The following KCNAB1 variants were observed in gnomAD, a reference collection of about 807,000 sequenced individuals.
KCNAB1 encodes the protein voltage-gated potassium channel subunit beta-1.
A neutral mutation model predicts 64.6 loss-of-function variants in KCNAB1; 35 were observed. The ratio of observed to expected loss-of-function variants is 0.54; its 90% confidence interval spans 0.41 to 0.72. KCNAB1 has a LOEUF of 0.72. Ranked by LOEUF, KCNAB1 falls within the 30% of genes least tolerant of loss-of-function variation. KCNAB1 has a pLI of 0.00. For missense variants in KCNAB1, 401 were observed against 512.9 expected, an observed-to-expected ratio of 0.78 and a Z score of 2.11; for synonymous variants, 177 against 183.8, an observed-to-expected ratio of 0.96 and a Z score of 0.30.
intron 8 of KCNAB1, among the ~76,000 whole-genome samples, chr3:156,512,709 G>A (rs769643153): frequency 2.6e-5 from 4 of 152,170 alleles, no homozygotes; most frequent in East Asian, 1.9e-4. Context: ...GAAGAAAAGC[G>A]GTTCCTTACA....
At chr3:156,425,275 A>C (rs1364995621) in intron 2 of KCNAB1, among the ~76,000 whole-genome samples, 1 of 152,196 alleles carries the variant, frequency 6.6e-6, no homozygotes, top group Non-Finnish European at 1.5e-5. Context: ...AACAATTCTG[A>C]CTTTCTTCTC....
intron 1 of KCNAB1, among the ~76,000 whole-genome samples, chr3:156,231,608 T>C (rs1716536274): frequency 6.6e-6 from 1 of 150,872 alleles, no homozygotes; most frequent in Non-Finnish European, 1.5e-5. Flanking sequence ...GGCACCCTTT[T>C]AGGTCTTATA....
At chr3:156,206,999 T>G (rs56139805) in intron 1 of KCNAB1, among the ~76,000 whole-genome samples, 11 of 152,314 alleles carry the variant, frequency 7.2e-5, no homozygotes, top group Non-Finnish European at 1.6e-4. Context: ...CACTAGAAAT[T>G]GAGGGACTGT....
chr3:156,142,878 C>A, intron 1 of KCNAB1: 1 of 605,076 alleles, frequency 1.7e-6, no homozygotes, highest in Non-Finnish European at 2.1e-6. Context: ...TTTTTTTCCC[C>A]AGGGCCAGTA....
At chr3:156,325,177 A>T (rs773941267) in intron 1 of KCNAB1, among the ~76,000 whole-genome samples, 3 of 152,184 alleles carry the variant, frequency 2.0e-5, no homozygotes, top group Non-Finnish European at 2.9e-5. Context: ...CATATGAGAA[A>T]ATCAAGGTTC....
intron 1 of KCNAB1, among the ~76,000 whole-genome samples, chr3:156,312,703 CA>C (rs397991453): frequency 0.037 from 1,022 of 27,328 alleles, no homozygotes; most frequent in African/African-American, 0.11. Flanking sequence ...AGACTGTCTC[CA>C]AAAAAAAAAA....
chr3:156,525,508 T>G (rs1022588168), intron 12 of KCNAB1, among the ~76,000 whole-genome samples: 1 of 152,230 alleles, frequency 6.6e-6, no homozygotes, highest in Non-Finnish European at 1.5e-5. Context: ...GTTCAAAGGT[T>G]TTTTTGTTTG....
intron 1 of KCNAB1, among the ~76,000 whole-genome samples, chr3:156,259,267 C>T (rs1240464873): frequency 6.6e-6 from 1 of 152,138 alleles, no homozygotes; most frequent in Non-Finnish European, 1.5e-5. Context: ...GGTCCTGACT[C>T]TCAAGGAGAC....
chr3:156,300,246 T>G (rs1432509567), intron 1 of KCNAB1, among the ~76,000 whole-genome samples: 2 of 152,230 alleles, frequency 1.3e-5, no homozygotes, highest in Non-Finnish European at 2.9e-5. Context: ...TCTTTGCAAT[T>G]GACTCGGCTT....
intron 1 of KCNAB1, among the ~76,000 whole-genome samples, chr3:156,220,088 G>C (rs925091216): frequency 6.6e-6 from 1 of 152,132 alleles, no homozygotes; most frequent in Non-Finnish European, 1.5e-5. Flanking sequence ...TGGTGTATAT[G>C]TGCCACATTT....
intron 1 of KCNAB1, among the ~76,000 whole-genome samples, chr3:156,162,480 G>C (rs954859975): frequency 6.6e-6 from 1 of 152,080 alleles, no homozygotes; most frequent in Admixed American, 6.5e-5. Flanking sequence ...TGATGGTCTT[G>C]AGAGAACAGT....
At chr3:156,346,360 A>G (rs1379292098) in intron 1 of KCNAB1, among the ~76,000 whole-genome samples, 1 of 152,150 alleles carries the variant, frequency 6.6e-6, no homozygotes, top group African/African-American at 2.4e-5. Context: ...GAAAGAACAT[A>G]ATTTGTATGT....
chr3:156,427,827 G>A (rs1715923332), intron 2 of KCNAB1, among the ~76,000 whole-genome samples: 1 of 152,126 alleles, frequency 6.6e-6, no homozygotes, highest in African/African-American at 2.4e-5. Flanking sequence ...TGTTTCATCA[G>A]GGCTCTTGCT....
At chr3:156,333,736 C>G (rs995862558) in intron 1 of KCNAB1, among the ~76,000 whole-genome samples, 2 of 152,168 alleles carry the variant, frequency 1.3e-5, no homozygotes, top group Non-Finnish European at 2.9e-5. Flanking sequence ...TCCAAATACA[C>G]TCCTAGTGAT....
intron 1 of KCNAB1, among the ~76,000 whole-genome samples, chr3:156,213,856 A>C (rs562206838): frequency 1.3e-5 from 2 of 152,320 alleles, no homozygotes; most frequent in African/African-American, 4.8e-5. Flanking sequence ...AAGTCTTTAG[A>C]GTTCCTGAGT....
At chr3:156,325,160 T>C (rs1722890856) in intron 1 of KCNAB1, among the ~76,000 whole-genome samples, 1 of 152,202 alleles carries the variant, frequency 6.6e-6, no homozygotes, top group Non-Finnish European at 1.5e-5. Flanking sequence ...CTATCATTCC[T>C]GTCTTACATA....
chr3:156,526,494 C>A (rs1168126923), intron 12 of KCNAB1, among the ~76,000 whole-genome samples: 1 of 152,140 alleles, frequency 6.6e-6, no homozygotes, highest in African/African-American at 2.4e-5. Context: ...TTCTACAAAT[C>A]TTCAAAATCC....
chr3:156,358,944 A>T (rs1725429766), intron 1 of KCNAB1, among the ~76,000 whole-genome samples: 1 of 152,366 alleles, frequency 6.6e-6, no homozygotes, highest in East Asian at 1.9e-4. Context: ...TATAACTACT[A>T]TATATAAAAT....
intron 1 of KCNAB1, among the ~76,000 whole-genome samples, chr3:156,247,800 A>G (rs1014241397): frequency 6.6e-6 from 1 of 152,074 alleles, no homozygotes; most frequent in Non-Finnish European, 1.5e-5. Context: ...CCTGGGATCA[A>G]GTGATCTGCC....
Sources: gnomAD v4.1 joint callset for allele counts (sites outside exome capture counted in the v4.1 genomes callset) on GRCh38, gnomAD v4.1.1 for gene constraint, MANE v1.5 for transcripts, NCBI Gene and HGNC (gene_info 2026-07-23, HGNC 2026-07-21) for gene names.